The following CEP76 variants were observed in gnomAD, a reference collection of about 807,000 sequenced individuals.
The protein encoded by CEP76 is centrosomal protein of 76 kDa.
In CEP76, 55 loss-of-function variants were observed where a neutral mutation model predicts 83.3. That is an observed-to-expected ratio of 0.66 (90% CI 0.53 to 0.83). The LOEUF (loss-of-function observed/expected upper bound fraction) is 0.83. Among genes scored for constraint, CEP76 ranks in the 40% least tolerant of loss-of-function variants. The pLI, the probability that CEP76 is intolerant of heterozygous loss-of-function variation, is 0.00. For missense variants in CEP76, 694 were observed against 799.5 expected (o/e 0.87, Z 1.59); for synonymous variants, 270 against 274.5 (o/e 0.98, Z 0.16).
intron 6 of CEP76, among the ~76,000 whole-genome samples, chr18:12,694,700 C>T (rs1410057297): frequency 1.3e-5 from 2 of 151,674 alleles, no homozygotes; most frequent in Non-Finnish European, 2.9e-5. Flanking sequence ...CAGCTTTATC[C>T]TGTAATTCTT....
At chr18:12,675,763 G>C (rs577219875) in intron 10 of CEP76, among the ~76,000 whole-genome samples, 1 of 151,940 alleles carries the variant, frequency 6.6e-6, no homozygotes, top group Non-Finnish European at 1.5e-5. Context: ...CTGCCTCCCA[G>C]GTTCAAGCGA....
chr18:12,702,493 A>T lies in CEP76; in HGVS notation c.56T>A (p.Leu19Gln). The T allele has an allele frequency of 6.2e-7, 1 of 1,608,894 alleles. No homozygotes were observed. Among genetic ancestry groups the T allele is most frequent in the Non-Finnish European group, 8.5e-7 (1 of 1,177,880 alleles). The change falls in exon 1 of 12, where the codon CTG becomes CAG. Residue 19 changes from leucine (L) to glutamine (Q), a missense_variant. Transcript: ENST00000262127. The part of the protein sequence containing the change: ...SELKQLIHQQ[L>Q]SKMDVHGRIR... ...AGCACCCGCGACTCTCACCTTGCTC[A>T]GCTGCTGGTGGATGAGCTGCTTCAG...
chr18:12,666,227 C>T (rs1448434956), intron 12 of CEP76, among the ~76,000 whole-genome samples: 3 of 151,698 alleles, frequency 2.0e-5, no homozygotes, highest in Non-Finnish European at 4.4e-5. Context: ...ACTTAAGAGG[C>T]TGAGGCAAGA....
chr18:12,666,559 C>A (rs1165306079), intron 12 of CEP76, among the ~76,000 whole-genome samples: 1 of 151,230 alleles, frequency 6.6e-6, no homozygotes, highest in African/African-American at 2.4e-5. Flanking sequence ...CCCACCTCAG[C>A]TTCTCAAATA....
chr18:12,697,825 C>T (rs1481104716), intron 4 of CEP76, among the ~76,000 whole-genome samples: 5 of 150,814 alleles, frequency 3.3e-5, no homozygotes, highest in African/African-American at 9.7e-5. Flanking sequence ...TACAGCACAT[C>T]GAATCTAGCA....
rs768836577 is a variant in CEP76 at position 12,695,354 on chromosome 18, A to G, written c.707-3T>C. ...CACAGAAACTTTTGATTCTGTGCCT[A>G]TAAACATAAATATTTTGAACTTCAG... is the stretch of plus-strand genomic sequence containing the variant. On this transcript the variant is annotated splice_region_variant and splice_polypyrimidine_tract_variant and intron_variant, in intron 5 of 11. Coordinates refer to ENST00000262127, the MANE Select transcript of CEP76 (RefSeq NM_024899.4). The G allele has an allele frequency of 5.8e-6, 8 of 1,376,966 alleles. No individual in the cohort carries two copies. Among genetic ancestry groups the G allele is most frequent in the Middle Eastern group, 2.3e-4 (1 of 4,414 alleles). The allele number at this position is 1,376,966 out of a possible 1,614,324, so 85.3% of individuals were successfully genotyped here. A position where few individuals can be genotyped will look rare whatever the true frequency, so the allele number is the denominator to read the frequency against.
Position 12,697,299 on chromosome 18 carries a change from T to A in CEP76, c.630A>T (p.Ser210=). 6.2e-7 allele frequency: 1 copy of A among 1,614,052 alleles called. No homozygotes were observed. Among genetic ancestry groups the A allele is most frequent in the Non-Finnish European group, 8.5e-7 (1 of 1,179,942 alleles). Residue 210 remains serine (S), a synonymous_variant, in exon 5 of 12, where the codon TCA becomes TCT. Transcript: ENST00000262127. ...AAACCGATCGCCATTCCAGAAAATA[T>A]GATGCTACTAAAGTCGTCTCACCAA... ...DIFGETTLVA[S]YFLEWRSVLG... is the part of the protein sequence containing the mutation.
chr18:12,696,772 C>G (rs990718103), intron 5 of CEP76, among the ~76,000 whole-genome samples: 1 of 152,156 alleles, frequency 6.6e-6, no homozygotes, highest in African/African-American at 2.4e-5. Flanking sequence ...ATTATTTCCT[C>G]TTCCGAGTCT....
Position 12,673,283 on chromosome 18 carries a change from A to G in CEP76, c.*82T>C. The G allele has an allele frequency of 6.7e-7, 1 of 1,493,946 alleles. No individual in the cohort carries two copies. Among genetic ancestry groups the G allele is most frequent in the Non-Finnish European group, 8.9e-7 (1 of 1,128,152 alleles). 92.5% of individuals were successfully genotyped at this position (1,493,946 alleles called of 1,614,324 possible). A position where few individuals can be genotyped will look rare whatever the true frequency, so the allele number is the denominator to read the frequency against. On this transcript the variant is annotated 3_prime_UTR_variant, in exon 12 of 12. Transcript: ENST00000262127. ...CAAGCCAGATTGTGATTTTAAAATA[A>G]CAAACCTCTAAATAGCTAAGTAATG...
chr18:12,684,718 G>C (rs1385052287), intron 8 of CEP76: 1 of 149,974 alleles, frequency 6.7e-6, no homozygotes, highest in Non-Finnish European at 1.5e-5. Context: ...CCCGACCACA[G>C]GTGATCCACC....
intron 11 of CEP76, among the ~76,000 whole-genome samples, chr18:12,673,859 C>A (rs985012147): frequency 6.6e-6 from 1 of 151,978 alleles, no homozygotes; most frequent in Admixed American, 6.6e-5. Context: ...ACAGCCTGGG[C>A]GACAGACTGA....
chr18:12,692,474 T>C (rs2145076123), intron 6 of CEP76, among the ~76,000 whole-genome samples: 1 of 152,292 alleles, frequency 6.6e-6, no homozygotes, highest in East Asian at 1.9e-4. Context: ...CTTTCGGTCC[T>C]CCATAGGGGC....
chr18:12,669,032 CTTTTTTTTTTTTTTT>C (rs71174122), downstream of CEP76, among the ~76,000 whole-genome samples: 123 of 41,954 alleles, frequency 2.9e-3, 2 homozygotes, highest in African/African-American at 0.011. Flanking sequence ...ACCCCCCGCA[CTTTTTTTTTTTTTTT>C]TTTTTTTTTT....
In CEP76 at chr18:12,695,236, A is replaced by T; in HGVS notation, c.804+18T>A. On this transcript the variant is annotated intron_variant, in intron 6 of 11. Transcript: ENST00000262127. The stretch of plus-strand genomic sequence containing the variant: ...TGAAAACAAACACACAAAAAAAGAG[A>T]AACTCATAAGTATTTACCTGTGTGT... The T allele has an allele frequency of 1.8e-6, 2 of 1,133,376 alleles. No individual in the cohort carries two copies. Among genetic ancestry groups the T allele is most frequent in the Non-Finnish European group, 2.5e-6 (2 of 790,908 alleles). The allele number at this position is 1,133,376 out of a possible 1,614,324, so 70.2% of individuals were successfully genotyped here. A position where few individuals can be genotyped will look rare whatever the true frequency, so the allele number is the denominator to read the frequency against.
At position 12,678,218 on chromosome 18, in the gene CEP76, G is replaced by C. The variant is rs896346924; in HGVS notation, c.1514C>G (p.Thr505Arg). Reference protein sequence around the residue: ...AIKSVCAPGATTSLPPFPPLC... With the variant: ...AIKSVCAPGARTSLPPFPPLC... ...AGGTGGAAAGGGAGGAAGGGATGTT[G>C]TAGCTCCAGGAGCACACACAGATTT... Residue 505 changes from threonine to arginine, a missense_variant, in exon 10 of 12, where the codon ACA becomes AGA. Physicochemically the swap from Thr to Arg is moderately conservative, Grantham distance 71. Coordinates refer to ENST00000262127, the MANE Select transcript of CEP76 (RefSeq NM_024899.4). 1.2e-6 allele frequency: 2 copies of C among 1,614,020 alleles called. No homozygotes were observed. Among genetic ancestry groups the C allele is most frequent in the Non-Finnish European group, 1.7e-6 (2 of 1,179,994 alleles).
chr18:12,664,079 G>A (rs1203054221), intron 12 of CEP76, among the ~76,000 whole-genome samples: 1 of 152,168 alleles, frequency 6.6e-6, no homozygotes, highest in African/African-American at 2.4e-5. Flanking sequence ...CAAGAGAATC[G>A]CTTGAACCCG....
chr18:12,678,103 A>G lies in CEP76; in HGVS notation c.1623+6T>C, dbSNP rs770120941. ...ATGAAACTACAACTATTTCAGTGTG[A>G]ATTACCTTCCTGTGTTCTGACACCA... On this transcript the variant is annotated splice_donor_region_variant and intron_variant, in intron 10 of 11. Transcript: ENST00000262127. The G allele has an allele frequency of 5.6e-6, 9 of 1,601,234 alleles. No homozygotes were observed. Among genetic ancestry groups the G allele is most frequent in the Non-Finnish European group, 7.7e-6 (9 of 1,168,982 alleles).
chr18:12,688,110 G>C (rs1439656344), intron 7 of CEP76, among the ~76,000 whole-genome samples: 4 of 151,294 alleles, frequency 2.6e-5, no homozygotes, highest in African/African-American at 9.7e-5. Flanking sequence ...CCAGGCATGT[G>C]GTCCCAGCAA....
At chr18:12,695,880 ACACACT>A (rs930892150) in intron 5 of CEP76, among the ~76,000 whole-genome samples, 7 of 150,380 alleles carry the variant, frequency 4.7e-5, no homozygotes, top group African/African-American at 1.8e-4. Flanking sequence ...ACACACACAC[ACACACT>A]AAAAATTAGA....
Sources: gnomAD v4.1 joint callset for allele counts (sites outside exome capture counted in the v4.1 genomes callset) on GRCh38, gnomAD v4.1.1 for gene constraint, MANE v1.5 for transcripts, NCBI Gene and HGNC (gene_info 2026-07-23, HGNC 2026-07-21) for gene names.